ZNF136: variants seen among roughly 807,000 people sequenced by gnomAD.
ZNF136 encodes zinc finger protein 136, also known as zinc finger protein 136 (clone pHZ-20).
Under a neutral mutation model 11.4 loss-of-function variants are expected in ZNF136, and 8 were observed. The ratio of observed to expected loss-of-function variants is 0.70; its 90% CI spans 0.41 to 1.27. The LOEUF (loss-of-function observed/expected upper bound fraction) is 1.27, where lower values mean the gene tolerates loss of function less well. Ranked by LOEUF, ZNF136 falls within the 50% of genes most tolerant of loss-of-function variation. The probability of loss-of-function intolerance (pLI) is 0.01; values close to 1 mark genes in which losing one functional copy is unlikely to be tolerated. For synonymous variants in ZNF136, 190 were observed against 207.1 expected (o/e 0.92, Z 0.71); for missense variants, 590 against 656.5 (o/e 0.90, Z 1.11).
intron 1 of ZNF136, among the ~76,000 whole-genome samples, chr19:12,170,919 T>C (rs960472814): frequency 2.0e-5 from 3 of 151,744 alleles, no homozygotes; most frequent in Non-Finnish European, 2.9e-5. Context: ...CACTGCAACC[T>C]CTGCTTCCCA....
intron 1 of ZNF136, among the ~76,000 whole-genome samples, chr19:12,176,550 C>T (rs925907781): frequency 6.6e-6 from 1 of 152,162 alleles, no homozygotes; most frequent in Non-Finnish European, 1.5e-5. Flanking sequence ...TGGTCTCAAA[C>T]TCCTGACCTC....
chr19:12,179,061 TA>T (rs1186520870), intron 1 of ZNF136, among the ~76,000 whole-genome samples: 1 of 152,118 alleles, frequency 6.6e-6, no homozygotes, highest in Non-Finnish European at 1.5e-5. Context: ...CATACAATTT[TA>T]GGTGTGTTTT....
intron 1 of ZNF136, among the ~76,000 whole-genome samples, chr19:12,173,728 T>C (rs1914718599): frequency 6.6e-6 from 1 of 152,180 alleles, no homozygotes; most frequent in South Asian, 2.1e-4. Context: ...ATTTGAAGCC[T>C]GTTGGTCAGA....
At position 12,189,780 on chromosome 19, in the gene ZNF136, T is replaced by G. The variant is rs1180291034; in HGVS notation, c.*1779T>G. 6.6e-6 allele frequency: 1 copy of G among 152,236 alleles called. No homozygotes were observed. Among genetic ancestry groups the G allele is most frequent in the Non-Finnish European group, 1.5e-5 (1 of 68,054 alleles). 9.4% of individuals were successfully genotyped at this position (152,236 alleles called of 1,614,324 possible). On this transcript the variant is annotated 3_prime_UTR_variant, in exon 4 of 4. Transcript: ENST00000343979. ...AATTATTATTTTAACCTGTTGTTCT[T>G]TACTCCTTGTTATTTATTCTGGCTG...
Position 12,186,749 on chromosome 19 carries a change from A to T in ZNF136, c.371A>T (p.His124Leu), listed in dbSNP as rs1306751470. The change falls in exon 4 of 4, where the codon CAC becomes CTC. Residue 124 changes from histidine to leucine, a missense_variant. Coordinates refer to ENST00000343979, the MANE Select transcript of ZNF136 (RefSeq NM_003437.5). ...TCCCTTAATAGACACATCAAAGATC[A>T]CAGTGGACATGAACCAAAGGAATAT... The part of the protein sequence containing the change: ...QSSLNRHIKD[H>L]SGHEPKEYQE... 2 of 1,614,168 alleles carry T rather than the reference A, an allele frequency of 1.2e-6. No individual in the cohort carries two copies. Among genetic ancestry groups the T allele is most frequent in the Non-Finnish European group, 1.7e-6 (2 of 1,179,990 alleles).
chr19:12,185,056 G>T (rs2145641614), intron 1 of ZNF136: 1 of 152,290 alleles, frequency 6.6e-6, no homozygotes, highest in Non-Finnish European at 1.5e-5. Flanking sequence ...GTGGATCAGT[G>T]CTAACTCATA....
At chr19:12,167,588 G>A (rs1401721869) in intron 1 of ZNF136, among the ~76,000 whole-genome samples, 1 of 152,104 alleles carries the variant, frequency 6.6e-6, no homozygotes, top group East Asian at 1.9e-4. Flanking sequence ...GACCGGGTGC[G>A]GTGGCTCACG....
At chr19:12,165,964 A>G (rs752492491) in intron 1 of ZNF136, among the ~76,000 whole-genome samples, 5 of 152,220 alleles carry the variant, frequency 3.3e-5, no homozygotes, top group Non-Finnish European at 5.9e-5. Flanking sequence ...GCGGTGGCTC[A>G]CGCCTGTAAT....
At chr19:12,184,274 AAG>A (rs1491102843) in intron 1 of ZNF136, among the ~76,000 whole-genome samples, 1 of 138,780 alleles carries the variant, frequency 7.2e-6, no homozygotes, top group African/African-American at 2.7e-5. Context: ...CAAAAAAAAA[AAG>A]AGGGCTGGGT....
Position 12,186,683 on chromosome 19 carries a change from G to A in ZNF136, c.305G>A (p.Cys102Tyr), listed in dbSNP as rs760377377. 1.9e-6 allele frequency: 3 copies of A among 1,614,032 alleles called. No homozygotes were observed. The highest frequency in any genetic ancestry group is 1.1e-5 in the South Asian group (1 of 91,088). The change falls in exon 4 of 4, where the codon TGT (cysteine) becomes TAT (tyrosine). Residue 102 changes from cysteine (C) to tyrosine (Y), a missense_variant. Transcript: ENST00000343979. ...LSKKIPGVKL[C>Y]ESIVYGEVSM... ...AAGAAAATCCCTGGAGTGAAACTCT[G>A]TGAAAGCATTGTATATGGAGAAGTC...
chr19:12,177,750 A>G (rs1914837593), intron 1 of ZNF136, among the ~76,000 whole-genome samples: 1 of 152,164 alleles, frequency 6.6e-6, no homozygotes, highest in Non-Finnish European at 1.5e-5. Context: ...ACATTTTTTC[A>G]TGAATGTCTT....
chr19:12,176,319 A>C (rs772645307), intron 1 of ZNF136, among the ~76,000 whole-genome samples: 3 of 151,628 alleles, frequency 2.0e-5, no homozygotes, highest in Non-Finnish European at 4.4e-5. Flanking sequence ...TGATCTCCTG[A>C]TTCAATGAGT....
intron 3 of ZNF136, 149 bp from the exon 4 acceptor site, chr19:12,186,421 T>G (rs1915085094): frequency 1.3e-6 from 1 of 799,616 alleles, no homozygotes; most frequent in Admixed American, 3.0e-5. Context: ...TCAAGCCCAT[T>G]GCAGAGCATT....
intron 1 of ZNF136, among the ~76,000 whole-genome samples, chr19:12,169,988 G>A (rs1203859680): frequency 2.0e-5 from 3 of 151,908 alleles, no homozygotes; most frequent in Non-Finnish European, 4.4e-5. Context: ...TAGAGACGGG[G>A]TTTCACTGTG....
chr19:12,183,743 C>A (rs1285946343), intron 1 of ZNF136, among the ~76,000 whole-genome samples: 1 of 152,126 alleles, frequency 6.6e-6, no homozygotes, highest in African/African-American at 2.4e-5. Flanking sequence ...GGACTACAGG[C>A]GTGCACCACC....
chr19:12,176,302 G>A (rs1406686889), intron 1 of ZNF136, among the ~76,000 whole-genome samples: 1 of 152,020 alleles, frequency 6.6e-6, no homozygotes, highest in Non-Finnish European at 1.5e-5. Flanking sequence ...AAACCCCTGT[G>A]TGTGTATGAT....
chr19:12,185,955 T>C, intron 2 of ZNF136, 44 bp downstream of exon 2: 2 of 1,610,096 alleles, frequency 1.2e-6, no homozygotes, highest in Non-Finnish European at 1.7e-6. Flanking sequence ...AAAGAAGAAG[T>C]GCTTCTTGTG....
rs1362377717 is a variant in ZNF136 at position 12,187,125 on chromosome 19, T to G, written c.747T>G (p.Asp249Glu). 2 of 1,613,842 alleles carry G rather than the reference T, an allele frequency of 1.2e-6. No individual in the cohort carries two copies. Among genetic ancestry groups the G allele is most frequent in the Admixed American group, 3.3e-5 (2 of 59,996 alleles). ...GACACATGATAAAGCACACTGGAGA[T>G]GGACCTTATAAATGTAAGGTATGTG... Reference protein sequence around the residue: ...VRRHMIKHTGDGPYKCKVCGK... With the variant: ...VRRHMIKHTGEGPYKCKVCGK... Residue 249 changes from aspartate (D) to glutamate (E), a missense_variant, in exon 4 of 4, where the codon GAT becomes GAG. Coordinates refer to ENST00000343979, the MANE Select transcript of ZNF136 (RefSeq NM_003437.5).
At position 12,187,964 on chromosome 19, in the gene ZNF136, A is replaced by T. The variant is rs377762583; in HGVS notation, c.1586A>T (p.Asp529Val). ...AGACACATGTTAACACATGCTGAAG[A>T]TGGACCACCTTATAAATGCATGTGG... Reference protein sequence around the residue: ...FQRHMLTHAEDGPPYKCMWES... With the variant: ...FQRHMLTHAEVGPPYKCMWES... Residue 529 changes from aspartate (D) to valine (V), a missense_variant, in exon 4 of 4, where the codon GAT becomes GTT. Transcript: ENST00000343979. The T allele has an allele frequency of 6.5e-7, 1 of 1,542,410 alleles. No individual in the cohort carries two copies. The highest frequency in any genetic ancestry group is 1.4e-5 in the African/African-American group (1 of 72,192).
Sources: allele counts gnomAD v4.1 joint callset (sites outside exome capture counted in the v4.1 genomes callset), GRCh38; gene constraint gnomAD v4.1.1; transcripts MANE v1.5; gene names NCBI Gene and HGNC (gene_info 2026-07-23, HGNC 2026-07-21).